Variants in CELSR2 observed in about 807,000 individuals in gnomAD.
CELSR2 encodes cadherin EGF LAG seven-pass G-type receptor 2.
A neutral mutation model predicts 251.6 loss-of-function variants in CELSR2; 81 were observed. The observed-to-expected ratio is 0.32, with a 90% CI of 0.27 to 0.39. The LOEUF (loss-of-function observed/expected upper bound fraction) is 0.39, where lower values mean the gene tolerates loss of function less well. Among genes scored for constraint, CELSR2 ranks in the 10% least tolerant of loss-of-function variants. The pLI is 1.00. For synonymous variants in CELSR2, 1,721 were observed against 1,670.5 expected, an observed-to-expected ratio of 1.03 and a Z score of -0.74; for missense variants, 3,365 against 3,947.7, an observed-to-expected ratio of 0.85 and a Z score of 3.96.
rs1231754754 is a variant in CELSR2 at position 109,264,185 on chromosome 1, G to A, written c.5109G>A (p.Gln1703=). The change falls in exon 10 of 34, where the codon CAG becomes CAA. Residue 1703 remains glutamine, a synonymous_variant. Coordinates refer to ENST00000271332, the MANE Select transcript of CELSR2 (RefSeq NM_001408.3). Reference sequence around the variant, plus strand: ...ATGACGGTGACTGGCACCATGCACAGCTGGCACTGGGAGCCAGCGGGGGGC... The same window carrying A: ...ATGACGGTGACTGGCACCATGCACAACTGGCACTGGGAGCCAGCGGGGGGC... ...RANDGDWHHA[Q]LALGASGGPG... The A allele has an allele frequency of 6.2e-7, 1 of 1,613,016 alleles. No individual in the cohort carries two copies. The highest frequency in any genetic ancestry group is 1.1e-5 in the South Asian group (1 of 91,084).
chr1:109,267,396 A>G (rs1656230722), intron 15 of CELSR2, 152 bp from the exon 16 acceptor site: 2 of 650,330 alleles, frequency 3.1e-6, no homozygotes, highest in Non-Finnish European at 5.2e-6. Context: ...CTGGTGTTCT[A>G]CATACCTGTC....
rs563842663 is a variant in CELSR2, at chr1:109,250,159, C to T, written c.80C>T (p.Pro27Leu). The change falls in exon 1 of 34, where the codon CCG (proline) becomes CTG (leucine). Residue 27 changes from proline (P) to leucine (L), a missense_variant. Pro to Leu is a moderately conservative substitution (Grantham distance 98). Transcript: ENST00000271332. This position sits in a 1 kb window ranked among gnomAD's most constrained non-coding sequence, Gnocchi z 4.4. ...LLLLLLLLLP[P>L]PLLGDQVGPC... ...CTGCTGTTGCTGCTGCTGCTGCCGCCGCCACTATTGGGAGACCAAGTGGGG... is the reference window on the plus strand; with the variant it reads ...CTGCTGTTGCTGCTGCTGCTGCCGCTGCCACTATTGGGAGACCAAGTGGGG... The T allele has an allele frequency of 3.1e-6, 5 of 1,599,226 alleles. No homozygotes were observed. Among genetic ancestry groups the T allele is most frequent in the Admixed American group, 1.7e-5 (1 of 57,338 alleles).
chr1:109,262,553 G>GC, intron 6 of CELSR2, 109 bp downstream of exon 6: 2 of 1,462,556 alleles, frequency 1.4e-6, no homozygotes, highest in African/African-American at 2.8e-5. Flanking sequence ...GCCTCTCTTA[G>GC]CCCCTGCTCA....
intron 2 of CELSR2, among the ~76,000 whole-genome samples, 155 bp from the exon 3 acceptor site, chr1:109,260,887 G>A (rs1326125654): frequency 6.6e-6 from 1 of 152,162 alleles, no homozygotes; most frequent in Non-Finnish European, 1.5e-5. Flanking sequence ...TCTCAGAGAA[G>A]ATGGCACACG....
Position 109,271,250 on chromosome 1 carries a change from G to A in CELSR2, c.7630G>A (p.Ala2544Thr). 6.2e-7 allele frequency: 1 copy of A among 1,614,032 alleles called. No homozygotes were observed. Among genetic ancestry groups the A allele is most frequent in the Non-Finnish European group, 8.5e-7 (1 of 1,180,010 alleles). Residue 2544 changes from alanine (A) to threonine (T), a missense_variant, in exon 26 of 34, where the codon GCC becomes ACC. By Grantham distance (58) the Ala-to-Thr change is moderately conservative. This residue lies in a region of CELSR2 where 2,093 missense variants were observed against 2,382.8 expected (regional missense o/e 0.88). Coordinates refer to ENST00000271332, the MANE Select transcript of CELSR2 (RefSeq NM_001408.3). ...SVFLYILAAR[A>T]SCAAQRQGFE... ...CTTCCTGTACATCCTGGCGGCCCGG[G>A]CCTCCTGTGCTGCCCAGCGGCAGGG...
rs751348890 is a variant in CELSR2, at chr1:109,253,377, G to A, written c.3298G>A (p.Val1100Met). ...NNRPLEAIMS[V>M]LVSDGVHSVT... ...CCGGCCTCTGGAGGCCATCATGAGC[G>A]TGCTGGTGTCAGGTAAGGAAGGGCC... The change falls in exon 1 of 34, where the codon GTG (valine) becomes ATG (methionine). Residue 1100 changes from valine (V) to methionine (M), a missense_variant. Coordinates refer to ENST00000271332, the MANE Select transcript of CELSR2 (RefSeq NM_001408.3). 52 of 1,612,330 alleles carry A rather than the reference G, an allele frequency of 3.2e-5. No individual in the cohort carries two copies. The highest frequency in any genetic ancestry group is 1.1e-4 in the African/African-American group (8 of 74,946).
rs35994599 is a variant in CELSR2, at chr1:109,266,559, A to ATTTTTTTTTTTTT, written c.6013+366_6013+378dup. 9.0e-3 allele frequency: 755 copies of ATTTTTTTTTTTTT among 83,634 alleles called. 1 individual carries two copies. The highest frequency in any genetic ancestry group is 0.015 in the Middle Eastern group (1 of 68). 5.2% of individuals were successfully genotyped at this position (83,634 alleles called of 1,614,324 possible). On this transcript the variant is annotated intron_variant, in intron 15 of 33. Transcript: ENST00000271332. ...CTCTGGCCGCCACCACACCTGGCTA[A>ATTTTTTTTTTTTT]TTTTTTTTTTTTTTTTTTTTTTTTT...
Position 109,272,893 on chromosome 1 carries a change from C to G in CELSR2, c.8204C>G (p.Ala2735Gly). ...GAAGACGACCAGAGTGGCTCCTATG[C>G]CTCTACCCACTCATCAGACAGTGAG... Reference protein sequence around the residue: ...SLEDDQSGSYASTHSSDSEEE... With the variant: ...SLEDDQSGSYGSTHSSDSEEE... Residue 2735 changes from alanine (A) to glycine (G), a missense_variant, in exon 31 of 34, where the codon GCC (alanine) becomes GGC (glycine). By Grantham distance (60) the Ala-to-Gly change is moderately conservative. Around this residue, in one of 5 missense-constraint regions of CELSR2, gnomAD observed 2,093 missense variants for 2,382.8 expected, o/e 0.88. Coordinates refer to ENST00000271332, the MANE Select transcript of CELSR2 (RefSeq NM_001408.3). 1.2e-6 allele frequency: 2 copies of G among 1,613,908 alleles called. No homozygotes were observed. Among genetic ancestry groups the G allele is most frequent in the Admixed American group, 3.3e-5 (2 of 60,010 alleles).
intron 1 of CELSR2, among the ~76,000 whole-genome samples, chr1:109,257,908 T>C (rs903689960): frequency 1.3e-5 from 2 of 152,144 alleles, no homozygotes; most frequent in Non-Finnish European, 2.9e-5. Flanking sequence ...CAAGCAGCCA[T>C]GGGGCTCAGT....
At position 109,253,096 on chromosome 1, in the gene CELSR2, G is replaced by C. The variant is rs987302804; in HGVS notation, c.3017G>C (p.Arg1006Pro). ...GCCACGTCAGCTCCTCTGGTGAGCC[G>C]GGCTACAGTCCACGTCCGCCTCCTT... Reference protein sequence around the residue: ...IQATSAPLVSRATVHVRLLDR... With the variant: ...IQATSAPLVSPATVHVRLLDR... The change falls in exon 1 of 34, where the codon CGG (arginine) becomes CCG (proline). Residue 1006 changes from arginine to proline, a missense_variant. By Grantham distance (103) the Arg-to-Pro change is moderately radical. This residue lies in a region of CELSR2 where 505 missense variants were observed against 660.0 expected (regional missense o/e 0.77). Transcript: ENST00000271332. The C allele has an allele frequency of 1.2e-6, 2 of 1,613,548 alleles. No homozygotes were observed. Among genetic ancestry groups the C allele is most frequent in the Non-Finnish European group, 1.7e-6 (2 of 1,180,042 alleles).
chr1:109,270,574 G>T lies in CELSR2; in HGVS notation c.7457G>T (p.Gly2486Val), dbSNP rs145309792. The T allele has an allele frequency of 1.9e-6, 3 of 1,614,092 alleles. No individual in the cohort carries two copies. The highest frequency in any genetic ancestry group is 2.5e-6 in the Non-Finnish European group (3 of 1,180,000). ...CCCATGCGCTTCTACTACATGCTGG[G>T]CTGGGGCGTGCCTGCCTTCATCACA... ...TGPMRFYYMLGWGVPAFITGL... is the reference protein window; with the variant it reads ...TGPMRFYYMLVWGVPAFITGL... Residue 2486 changes from glycine (G) to valine (V), a missense_variant, in exon 24 of 34, where the codon GGC becomes GTC. By Grantham distance (109) the Gly-to-Val change is moderately radical. Around this residue, in one of 5 missense-constraint regions of CELSR2, gnomAD observed 2,093 missense variants for 2,382.8 expected, o/e 0.88. Transcript: ENST00000271332.
At chr1:109,259,156 C>A in intron 2 of CELSR2, 77 bp downstream of exon 2, 1 of 1,267,100 alleles carries the variant, frequency 7.9e-7, no homozygotes, top group Non-Finnish European at 1.1e-6. Context: ...AGGACAAATG[C>A]TGGCGGCTGC....
At chr1:109,263,025 G>A in intron 7 of CELSR2, 56 bp downstream of exon 7, 1 of 1,594,590 alleles carries the variant, frequency 6.3e-7, no homozygotes. Flanking sequence ...AGGAGGGGCT[G>A]TGCCTGGTGT....
Position 109,253,042 on chromosome 1 carries a change from A to C in CELSR2, c.2963A>C (p.Asp988Ala). The change falls in exon 1 of 34, where the codon GAC becomes GCC. Residue 988 changes from aspartate (D) to alanine (A), a missense_variant. Asp to Ala is a moderately radical substitution (Grantham distance 126). Around this residue, in one of 5 missense-constraint regions of CELSR2, gnomAD observed 505 missense variants for 660.0 expected, o/e 0.77. Transcript: ENST00000271332. ...LTALVDLDYE[D>A]RPEYVLVIQA... The stretch of plus-strand genomic sequence containing the variant: ...GCCCTGGTAGACTTAGACTACGAGG[A>C]CCGGCCTGAGTACGTCCTGGTCATC... The C allele has an allele frequency of 6.2e-7, 1 of 1,613,704 alleles. No individual in the cohort carries two copies.
In CELSR2 at chr1:109,264,124, A is replaced by G; in HGVS notation, c.5048A>G (p.Gln1683Arg). Residue 1683 changes from glutamine (Q) to arginine (R), a missense_variant, in exon 10 of 34, where the codon CAG becomes CGG. Around this residue, in one of 5 missense-constraint regions of CELSR2, gnomAD observed 2,093 missense variants for 2,382.8 expected, o/e 0.88. Coordinates refer to ENST00000271332, the MANE Select transcript of CELSR2 (RefSeq NM_001408.3). ...VMLSVEGTGL[Q>R]ASSLRLEPGR... Reference sequence around the variant, plus strand: ...CTGAGCGTGGAGGGCACAGGGCTTCAGGCCTCCTCTCTCCGTCTGGAGCCA... The same window carrying G: ...CTGAGCGTGGAGGGCACAGGGCTTCGGGCCTCCTCTCTCCGTCTGGAGCCA... 1 of 1,602,036 alleles carries G rather than the reference A, an allele frequency of 6.2e-7. No individual in the cohort carries two copies. The highest frequency in any genetic ancestry group is 8.5e-7 in the Non-Finnish European group (1 of 1,170,924).
rs1294265167 is a variant in CELSR2 at position 109,261,994 on chromosome 1, C to T, written c.4386+98C>T. On this transcript the variant is annotated intron_variant, in intron 5 of 33. Coordinates refer to ENST00000271332, the MANE Select transcript of CELSR2 (RefSeq NM_001408.3). The surrounding 1 kb of genome is among the most constrained non-coding windows in gnomAD (Gnocchi z 4.8). ...TGCCTCCAGGCTTGGGTGGGCTGGT[C>T]AGGGCATTTCTGGCTGAGAGGAAGG... is the stretch of plus-strand genomic sequence containing the variant. 9 of 1,322,246 alleles carry T rather than the reference C, an allele frequency of 6.8e-6. No individual in the cohort carries two copies. Among genetic ancestry groups the T allele is most frequent in the Non-Finnish European group, 9.6e-6 (9 of 942,272 alleles). The allele number at this position is 1,322,246 out of a possible 1,614,324, so 81.9% of individuals were successfully genotyped here.
In CELSR2 at chr1:109,265,293, C is replaced by T. The variant is rs41279712; in HGVS notation, c.5709C>T (p.Ser1903=). 424 of 1,606,366 alleles carry T rather than the reference C, an allele frequency of 2.6e-4. 1 individual carries two copies. The African/African-American group carries it at 4.2e-3, about 16-fold the overall frequency. ...TTGACCCAGACTGCAACAAGACAAG[C>T]GGCGAGTGCCACTGCAAGGTGACAG... is the stretch of plus-strand genomic sequence containing the variant. The part of the protein sequence containing the change: ...KGFDPDCNKT[S]GECHCKENHY... Residue 1903 remains serine (S), a synonymous_variant, in exon 13 of 34, where the codon AGC becomes AGT. Transcript: ENST00000271332.
rs370030340 is a variant in CELSR2, at chr1:109,269,849, C to T, written c.7107+29C>T. ...GGGCCCACAGGGGCAGCTGCAGAGC[C>T]GTGGGTGGGCACCCAGGGCACGGGG... On this transcript the variant is annotated intron_variant, in intron 22 of 33. Transcript: ENST00000271332. This position sits in a 1 kb window ranked among gnomAD's most constrained non-coding sequence, Gnocchi z 6.4. 39 of 1,612,778 alleles carry T rather than the reference C, an allele frequency of 2.4e-5. No homozygotes were observed. Among genetic ancestry groups the T allele is most frequent in the Non-Finnish European group, 3.1e-5 (36 of 1,179,670 alleles).
chr1:109,270,807 A>T, intron 24 of CELSR2, 120 bp from the exon 25 acceptor site: 2 of 987,844 alleles, frequency 2.0e-6, no homozygotes, highest in Non-Finnish European at 3.1e-6. Context: ...GTAGGGGCCG[A>T]TGGTGGGCAG....
Sources: gnomAD v4.1 joint callset for allele counts (sites outside exome capture counted in the v4.1 genomes callset) on GRCh38, gnomAD v4.1.1 for gene constraint, gnomAD v4.1.1 regional missense constraint, Gnocchi (gnomAD v3.1) non-coding constraint, MANE v1.5 for transcripts, NCBI Gene and HGNC (gene_info 2026-07-23, HGNC 2026-07-21) for gene names.